The following IGFALS variants were observed in gnomAD, a reference collection of about 807,000 sequenced individuals.
IGFALS encodes the protein insulin like growth factor binding protein acid labile subunit.
IGFALS carries 2 observed loss-of-function variants against 2.6 expected under a neutral mutation model. The ratio of observed to expected loss-of-function variants is 0.77; its 90% CI spans 0.32 to 2.44. The LOEUF is 2.44. Among genes scored for constraint, IGFALS ranks in the 30% most tolerant of loss-of-function variants. The pLI, the probability that IGFALS is intolerant of heterozygous loss-of-function variation, is 0.11. For synonymous variants in IGFALS, 519 were observed against 431.9 expected (o/e 1.20, Z -2.50); for missense variants, 996 against 848.7 (o/e 1.17, Z -2.16).
upstream of IGFALS, chr16:1,793,740 CG>C: frequency 2.9e-6 from 4 of 1,356,768 alleles, no homozygotes; most frequent in East Asian, 2.6e-5. Context: ...TTCCCCACTG[CG>C]GGGCAGCCCG....
At position 1,793,663 on chromosome 16, in the gene IGFALS, G is replaced by A. The variant is rs772399062; in HGVS notation, c.-11C>T. The A allele has an allele frequency of 1.3e-6, 2 of 1,594,304 alleles. No homozygotes were observed. Among genetic ancestry groups the A allele is most frequent in the Non-Finnish European group, 1.7e-6 (2 of 1,170,262 alleles). The stretch of plus-strand genomic sequence containing the variant: ...TTTCCTCAGGGCCATCCTGCATGCA[G>A]GGCAGGCTGCAGGCAGGCAGCGAGG... On this transcript the variant is annotated 5_prime_UTR_variant, in exon 1 of 2. Transcript: ENST00000215539.
chr16:1,792,147 G>A lies in IGFALS; in HGVS notation c.271C>T (p.Pro91Ser). The change falls in exon 2 of 2, where the codon CCG becomes TCG. Residue 91 changes from proline (P) to serine (S), a missense_variant. Coordinates refer to ENST00000215539, the MANE Select transcript of IGFALS (RefSeq NM_004970.3). ...CTGGAGAGGTTCTGGAAGGCTGCCG[G>A]GGGGACGGACGAGAGGTTGTTGCCG... Reference protein sequence around the residue: ...LDGNNLSSVPPAAFQNLSSLG... With the variant: ...LDGNNLSSVPSAAFQNLSSLG... The A allele has an allele frequency of 1.2e-6, 2 of 1,611,674 alleles. No homozygotes were observed. Among genetic ancestry groups the A allele is most frequent in the Non-Finnish European group, 1.7e-6 (2 of 1,179,730 alleles).
rs758807328 is a variant in IGFALS, at chr16:1,791,197, G to A, written c.1221C>T (p.Thr407=). The change falls in exon 2 of 2, where the codon ACC becomes ACT. Residue 407 remains threonine (T), a synonymous_variant. Coordinates refer to ENST00000215539, the MANE Select transcript of IGFALS (RefSeq NM_004970.3). ...AGAGTCGGCGGAGCCCCGAGAGGCCGGTGAAGGTGTGCGGGCGGATGCGTC... is the reference window on the plus strand; with the variant it reads ...AGAGTCGGCGGAGCCCCGAGAGGCCAGTGAAGGTGTGCGGGCGGATGCGTC... ...CLGRIRPHTF[T]GLSGLRRLFL... 5.6e-6 allele frequency: 9 copies of A among 1,607,844 alleles called. No individual in the cohort carries two copies. Among genetic ancestry groups the A allele is most frequent in the East Asian group, 4.5e-5 (2 of 44,890 alleles).
At chr16:1,792,443 C>T (rs575174599) in intron 1 of IGFALS, 42 bp from the exon 2 acceptor site, 12 of 1,504,914 alleles carry the variant, frequency 8.0e-6, no homozygotes, top group Non-Finnish European at 9.7e-6. Flanking sequence ...GAGGAGGGCT[C>T]TGCCCGAGTG....
rs1897192616 is a variant in IGFALS at position 1,790,520 on chromosome 16, T to C, written c.*80A>G. ...CCAGCAAGTGCACTGGGCAGGCCCC[T>C]GAGGACACTGAGGACCTGTCCCCAG... On this transcript the variant is annotated 3_prime_UTR_variant, in exon 2 of 2. Transcript: ENST00000215539. The C allele has an allele frequency of 1.6e-6, 2 of 1,237,220 alleles. No homozygotes were observed. Among genetic ancestry groups the C allele is most frequent in the Non-Finnish European group, 1.2e-6 (1 of 868,466 alleles). The allele number at this position is 1,237,220 out of a possible 1,614,324, so 76.6% of individuals were successfully genotyped here.
At chr16:1,794,271 G>A (rs927991186), upstream of IGFALS, among the ~76,000 whole-genome samples, 6 of 152,246 alleles carry the variant, frequency 3.9e-5, no homozygotes, top group East Asian at 1.9e-4. Context: ...TGCCTCTCCC[G>A]TGACCCCAGG....
At position 1,792,145 on chromosome 16, in the gene IGFALS, C is replaced by CGGGG. The variant is rs748187828; in HGVS notation, c.269_272dup (p.Ala92ProfsTer91). ...GGCTGGAGAGGTTCTGGAAGGCTGC[C>CGGGG]GGGGGGACGGACGAGAGGTTGTTGC... On this transcript the variant is annotated frameshift_variant, in exon 2 of 2. Coordinates refer to ENST00000215539, the MANE Select transcript of IGFALS (RefSeq NM_004970.3). LOFTEE classifies it low-confidence loss of function (END_TRUNC). 75 of 1,611,400 alleles carry CGGGG rather than the reference C, an allele frequency of 4.7e-5. No homozygotes were observed. Among genetic ancestry groups the CGGGG allele is most frequent in the Non-Finnish European group, 6.4e-5 (75 of 1,179,664 alleles).
rs764285752 is a variant in IGFALS, at chr16:1,791,541, G to A, written c.877C>T (p.Arg293Cys). 16 of 1,580,608 alleles carry A rather than the reference G, an allele frequency of 1.0e-5. No individual in the cohort carries two copies. Among genetic ancestry groups the A allele is most frequent in the South Asian group, 6.9e-5 (6 of 87,450 alleles). The change falls in exon 2 of 2, where the codon CGT (arginine) becomes TGT (cysteine). Residue 293 changes from arginine to cysteine, a missense_variant. Coordinates refer to ENST00000215539, the MANE Select transcript of IGFALS (RefSeq NM_004970.3). ...GCGTTGTGGGACAGCCGCAGCACACGCAGGCCCAGCAGACCGGGGAACGTG... is the reference window on the plus strand; with the variant it reads ...GCGTTGTGGGACAGCCGCAGCACACACAGGCCCAGCAGACCGGGGAACGTG... ...EDTFPGLLGLRVLRLSHNAIA... is the reference protein window; with the variant it reads ...EDTFPGLLGLCVLRLSHNAIA...
Position 1,791,338 on chromosome 16 carries a change from G to T in IGFALS, c.1080C>A (p.Gly360=). The T allele has an allele frequency of 6.2e-7, 1 of 1,608,080 alleles. No homozygotes were observed. The change falls in exon 2 of 2, where the codon GGC becomes GGA. Residue 360 remains glycine, a synonymous_variant. Coordinates refer to ENST00000215539, the MANE Select transcript of IGFALS (RefSeq NM_004970.3). ...LQEVKAGAFL[G]LTNVAVMNLS... ...GGTTCATGACCGCCACGTTGGTGAGGCCGAGGAAAGCGCCCGCCTTGACCT... is the reference window on the plus strand; with the variant it reads ...GGTTCATGACCGCCACGTTGGTGAGTCCGAGGAAAGCGCCCGCCTTGACCT...
In IGFALS at chr16:1,791,419, G is replaced by A. The variant is rs1897222857; in HGVS notation, c.999C>T (p.Ser333=). ...HNRIRQLAER[S]FEGLGQLEVL... is the part of the protein sequence containing the mutation. ...CCTCAAGCTGCCCCAGGCCCTCAAA[G>A]CTGCGCTCAGCCAGCTGCCGGATGC... Residue 333 remains serine (S), a synonymous_variant, in exon 2 of 2, where the codon AGC becomes AGT. Coordinates refer to ENST00000215539, the MANE Select transcript of IGFALS (RefSeq NM_004970.3). The A allele has an allele frequency of 2.5e-6, 4 of 1,611,936 alleles. No homozygotes were observed. Among genetic ancestry groups the A allele is most frequent in the East Asian group, 2.2e-5 (1 of 44,876 alleles).
At chr16:1,793,095 A>G (rs1897269550) in intron 1 of IGFALS, among the ~76,000 whole-genome samples, 1 of 152,052 alleles carries the variant, frequency 6.6e-6, no homozygotes, top group African/African-American at 2.4e-5. Context: ...CAAAACCTCT[A>G]CTGTATGGCC....
chr16:1,791,170 G>A lies in IGFALS; in HGVS notation c.1248C>T (p.Phe416=), dbSNP rs1596885897. 6.2e-7 allele frequency: 1 copy of A among 1,607,278 alleles called. No individual in the cohort carries two copies. Among genetic ancestry groups the A allele is most frequent in the Non-Finnish European group, 8.5e-7 (1 of 1,179,898 alleles). The part of the protein sequence containing the change: ...FTGLSGLRRL[F]LKDNGLVGIE... ...TGCCCACGAGGCCGTTGTCCTTGAGGAAGAGTCGGCGGAGCCCCGAGAGGC... is the reference window on the plus strand; with the variant it reads ...TGCCCACGAGGCCGTTGTCCTTGAGAAAGAGTCGGCGGAGCCCCGAGAGGC... Residue 416 remains phenylalanine (F), a synonymous_variant, in exon 2 of 2, where the codon TTC becomes TTT. Transcript: ENST00000215539.
Position 1,790,712 on chromosome 16 carries a change from T to C in IGFALS, c.1706A>G (p.Asp569Gly). 1 of 1,608,528 alleles carries C rather than the reference T, an allele frequency of 6.2e-7. No individual in the cohort carries two copies. The highest frequency in any genetic ancestry group is 8.5e-7 in the Non-Finnish European group (1 of 1,178,272). ...PRFVQAICEG[D>G]DCQPPAYTYN... ...GGTGTACGCGGGCGGCTGGCAATCGTCCCCCTCACAGATGGCCTGGACGAA... is the reference window on the plus strand; with the variant it reads ...GGTGTACGCGGGCGGCTGGCAATCGCCCCCCTCACAGATGGCCTGGACGAA... The change falls in exon 2 of 2, where the codon GAC (aspartate) becomes GGC (glycine). Residue 569 changes from aspartate to glycine, a missense_variant. Physicochemically the swap from Asp to Gly is moderately conservative, Grantham distance 94. Transcript: ENST00000215539.
chr16:1,792,324 T>G lies in IGFALS; in HGVS notation c.94A>C (p.Thr32Pro). 1 of 1,596,060 alleles carries G rather than the reference T, an allele frequency of 6.3e-7. No individual in the cohort carries two copies. The highest frequency in any genetic ancestry group is 1.7e-4 in the Middle Eastern group (1 of 5,908). Residue 32 changes from threonine to proline, a missense_variant, in exon 2 of 2, where the codon ACG (threonine) becomes CCG (proline). Thr to Pro is a conservative substitution (Grantham distance 38). Transcript: ENST00000215539. ...PRSLEGADPG[T>P]PGEAEGPACP... is the part of the protein sequence containing the mutation. ...GCTGGGCCCTCGGCTTCCCCCGGCG[T>G]TCCGGGGTCTGCTCCCTCCAGGCTG...
At position 1,791,611 on chromosome 16, in the gene IGFALS, T is replaced by C; in HGVS notation, c.807A>G (p.Arg269=). ...PGAFLGLKAL[R]WLDLSHNRVA... is the part of the protein sequence containing the mutation. ...CGCGGTTGTGGGACAGGTCCAGCCA[T>C]CGCAGCGCCTTCAGGCCCAGGAAGG... The change falls in exon 2 of 2, where the codon CGA becomes CGG. Residue 269 remains arginine, a synonymous_variant. Transcript: ENST00000215539. The C allele has an allele frequency of 1.3e-6, 2 of 1,566,310 alleles. No individual in the cohort carries two copies. Among genetic ancestry groups the C allele is most frequent in the Non-Finnish European group, 8.6e-7 (1 of 1,157,432 alleles).
In IGFALS at chr16:1,790,763, A is replaced by G; in HGVS notation, c.1655T>C (p.Leu552Pro). 6.3e-7 allele frequency: 1 copy of G among 1,596,106 alleles called. No homozygotes were observed. Among genetic ancestry groups the G allele is most frequent in the Non-Finnish European group, 8.5e-7 (1 of 1,172,620 alleles). Residue 552 changes from leucine (L) to proline (P), a missense_variant, in exon 2 of 2, where the codon CTG (leucine) becomes CCG (proline). By Grantham distance (98) the Leu-to-Pro change is moderately conservative. Transcript: ENST00000215539. ...GCGGGGCACAGCACTGGGGTTCTGC[A>G]GGGCGAAGTCCCGCAGCGCCTTGAG... ...CPLKALRDFA[L>P]QNPSAVPRFV...
At position 1,792,153 on chromosome 16, in the gene IGFALS, C is replaced by T. The variant is rs573461860; in HGVS notation, c.265G>A (p.Val89Ile). Reference sequence around the variant, plus strand: ...AGGTTCTGGAAGGCTGCCGGGGGGACGGACGAGAGGTTGTTGCCGTCCAGC... The same window carrying T: ...AGGTTCTGGAAGGCTGCCGGGGGGATGGACGAGAGGTTGTTGCCGTCCAGC... ...LWLDGNNLSS[V>I]PPAAFQNLSS... is the part of the protein sequence containing the mutation. Residue 89 changes from valine to isoleucine, a missense_variant, in exon 2 of 2, where the codon GTC (valine) becomes ATC (isoleucine). Transcript: ENST00000215539. The T allele has an allele frequency of 1.1e-5, 18 of 1,611,392 alleles. No individual in the cohort carries two copies. The highest frequency in any genetic ancestry group is 7.7e-5 in the South Asian group (7 of 90,930).
Position 1,791,068 on chromosome 16 carries a change from G to A in IGFALS, c.1350C>T (p.Pro450=). 4 of 1,598,526 alleles carry A rather than the reference G, an allele frequency of 2.5e-6. No individual in the cohort carries two copies. Among genetic ancestry groups the A allele is most frequent in the African/African-American group, 1.3e-5 (1 of 74,924 alleles). ...DLTSNQLTHL[P]HRLFQGLGKL... ...TGCCCAGGCCCTGGAAGAGGCGGTG[G>A]GGCAGGTGCGTGAGCTGGTTGGAGG... The change falls in exon 2 of 2, where the codon CCC becomes CCT. Residue 450 remains proline, a synonymous_variant. Transcript: ENST00000215539.
intron 1 of IGFALS, among the ~76,000 whole-genome samples, chr16:1,793,031 AAGGGGCCAC>A (rs756094951): frequency 5.9e-5 from 9 of 152,198 alleles, no homozygotes; most frequent in Non-Finnish European, 1.2e-4. Context: ...CTTTCAGGAC[AAGGGGCCAC>A]AGGCCCCACA....
Sources: allele counts gnomAD v4.1 joint callset (sites outside exome capture counted in the v4.1 genomes callset), GRCh38; gene constraint gnomAD v4.1.1; transcripts MANE v1.5; gene names NCBI Gene and HGNC (gene_info 2026-07-23, HGNC 2026-07-21).